Variants in MCF2L observed in about 807,000 individuals in gnomAD.
MCF2L encodes the protein MCF.2 cell line derived transforming sequence like, also known as guanine nucleotide exchange factor DBS.
MCF2L carries 97 observed loss-of-function variants against 153.4 expected under a neutral mutation model. The observed-to-expected ratio is 0.63, with a 90% CI of 0.54 to 0.75. The LOEUF (loss-of-function observed/expected upper bound fraction) is 0.75. Ranked by LOEUF, MCF2L falls within the 30% of genes least tolerant of loss-of-function variation. The pLI, the probability that MCF2L is intolerant of heterozygous loss-of-function variation, is 0.00. For missense variants in MCF2L, 1,347 were observed against 1,495.2 expected (o/e 0.90, Z 1.64); for synonymous variants, 659 against 632.2 (o/e 1.04, Z -0.64).
At chr13:112,952,035 T>G (rs1447919476) in intron 2 of MCF2L, among the ~76,000 whole-genome samples, 4 of 152,236 alleles carry the variant, frequency 2.6e-5, no homozygotes, top group African/African-American at 9.6e-5. Flanking sequence ...TTAAAATCAA[T>G]ATTTGCTTCA....
At position 113,046,103 on chromosome 13, in the gene MCF2L, C is replaced by A. The variant is rs2086795413; in HGVS notation, c.369+742C>A. The A allele has an allele frequency of 1.3e-5, 2 of 157,920 alleles. No individual in the cohort carries two copies. The highest frequency in any genetic ancestry group is 2.8e-5 in the Non-Finnish European group (2 of 71,980). The allele number at this position is 157,920 out of a possible 1,614,324, so 9.8% of individuals were successfully genotyped here. The stretch of plus-strand genomic sequence containing the variant: ...GCTGTTGGTTTTAACCCAGAGTAAT[C>A]ATTTAAGAGGGAAGAGATTAAGTCA... On this transcript the variant is annotated intron_variant, in intron 4 of 29. Coordinates refer to ENST00000535094, the MANE Select transcript of MCF2L (RefSeq NM_001112732.3). The surrounding 1 kb of genome is among the most constrained non-coding windows in gnomAD (Gnocchi z 4.4).
chr13:112,970,581 T>C (rs764002860), intron 1 of MCF2L, among the ~76,000 whole-genome samples: 95 of 152,066 alleles, frequency 6.2e-4, no homozygotes, highest in Non-Finnish European at 1.2e-4. Flanking sequence ...TTGAGTATGG[T>C]GAAGGGCTGC....
chr13:113,082,513 C>T lies in MCF2L; in HGVS notation c.1962C>T (p.Asn654=). Residue 654 remains asparagine, a synonymous_variant, in exon 17 of 30, where the codon AAC becomes AAT. Coordinates refer to ENST00000535094, the MANE Select transcript of MCF2L (RefSeq NM_001112732.3). ...LHNKKDVLFG[N]MEEIYHFHNR... ...ACAAGAAGGATGTTTTGTTTGGAAA[C>T]ATGGAGGAAATCTATCACTTCCACA... 1.9e-6 allele frequency: 3 copies of T among 1,613,766 alleles called. No individual in the cohort carries two copies. Among genetic ancestry groups the T allele is most frequent in the Non-Finnish European group, 2.5e-6 (3 of 1,179,700 alleles).
intron 2 of MCF2L, among the ~76,000 whole-genome samples, chr13:112,902,852 C>T (rs1355351153): frequency 6.6e-6 from 1 of 152,146 alleles, no homozygotes; most frequent in Non-Finnish European, 1.5e-5. Flanking sequence ...ATTGGCTGTA[C>T]CCCGAGGTGA....
chr13:112,924,490 T>G (rs1160640482), intron 2 of MCF2L, among the ~76,000 whole-genome samples: 2 of 152,192 alleles, frequency 1.3e-5, no homozygotes, highest in African/African-American at 2.4e-5. Flanking sequence ...ATGGGAGAGA[T>G]AATATTTATA....
At position 113,046,621 on chromosome 13, in the gene MCF2L, C is replaced by T. The variant is rs749158369; in HGVS notation, c.369+1260C>T. ...AGAATTAGAGGCCCCATATCTGCTC[C>T]GATGCCCACAACCTTCATCGTTTTG... is the stretch of plus-strand genomic sequence containing the variant. On this transcript the variant is annotated intron_variant, in intron 4 of 29. Transcript: ENST00000535094. The surrounding 1 kb of genome is among the most constrained non-coding windows in gnomAD (Gnocchi z 4.4). 1.3e-5 allele frequency: 7 copies of T among 533,236 alleles called. No homozygotes were observed. Among genetic ancestry groups the T allele is most frequent in the African/African-American group, 3.9e-5 (2 of 51,924 alleles). The allele number at this position is 533,236 out of a possible 1,614,324, so 33.0% of individuals were successfully genotyped here. A position where few individuals can be genotyped will look rare whatever the true frequency, so the allele number is the denominator to read the frequency against.
intron 1 of MCF2L, among the ~76,000 whole-genome samples, chr13:112,899,837 C>T (rs1269204555): frequency 6.6e-6 from 1 of 152,248 alleles, no homozygotes; most frequent in Non-Finnish European, 1.5e-5. Flanking sequence ...GCAGCCTTCA[C>T]TGGGTAAAAG....
At chr13:112,987,324 C>T (rs1478805795) in intron 1 of MCF2L, among the ~76,000 whole-genome samples, 1 of 12,524 alleles carries the variant, frequency 8.0e-5, no homozygotes, top group Non-Finnish European at 5.7e-4. Context: ...CTTGTGGACG[C>T]AGCCCAGGGC....
chr13:113,062,819 A>G (rs1355389576), intron 5 of MCF2L, among the ~76,000 whole-genome samples: 1 of 152,202 alleles, frequency 6.6e-6, no homozygotes, highest in African/African-American at 2.4e-5. Flanking sequence ...GGCAAGAGAA[A>G]TGCAGAAAAA....
At chr13:112,923,896 G>A (rs576995350) in intron 2 of MCF2L, among the ~76,000 whole-genome samples, 6 of 152,200 alleles carry the variant, frequency 3.9e-5, no homozygotes, top group Admixed American at 2.6e-4. Flanking sequence ...TCATGACACC[G>A]CCACTTTGGA....
intron 4 of MCF2L, among the ~76,000 whole-genome samples, chr13:113,056,904 G>GTGTT (rs746171958): frequency 1.6e-3 from 200 of 123,974 alleles, no homozygotes; most frequent in African/African-American, 7.6e-3. Flanking sequence ...TGGGTGCTGA[G>GTGTT]TGGGTGCTGA....
Position 113,088,629 on chromosome 13 carries a change from G to C in MCF2L, c.2834+1G>C. 6.2e-7 allele frequency: 1 copy of C among 1,606,320 alleles called. No homozygotes were observed. Among genetic ancestry groups the C allele is most frequent in the Non-Finnish European group, 8.5e-7 (1 of 1,179,736 alleles). ...CCCTGCCGGCCCCGACCAGCACCAGGTGAGAATGGACACGCTGCCGCAGGC... is the reference window on the plus strand; with the variant it reads ...CCCTGCCGGCCCCGACCAGCACCAGCTGAGAATGGACACGCTGCCGCAGGC... On this transcript the variant is annotated splice_donor_variant, in intron 25 of 29. Transcript: ENST00000535094. LOFTEE classifies it high-confidence loss of function.
chr13:113,012,660 T>TGCCCCCAC (rs2084235485), intron 1 of MCF2L, among the ~76,000 whole-genome samples: 1 of 97,562 alleles, frequency 1.0e-5, no homozygotes, highest in Non-Finnish European at 2.2e-5. Context: ...ATGCGGACGG[T>TGCCCCCAC]GGACAGGCGG....
At position 112,960,585 on chromosome 13, in the gene MCF2L, G is replaced by A. The variant is rs746299800; in HGVS notation, c.170-54178G>A. On this transcript the variant is annotated intron_variant, in intron 2 of 29. Transcript: ENST00000375608. The surrounding 1 kb of genome is among the most constrained non-coding windows in gnomAD (Gnocchi z 4.2). ...CTTTGGGGTTTCGGTGTCCAGGGCT[G>A]TGTCAGTTTCCTATTGCAGTTGACA... Among the ~76,000 whole-genome samples the A allele has an allele frequency of 2.6e-5, 4 of 152,184 alleles. No homozygotes were observed. The highest frequency in any genetic ancestry group is 4.4e-5 in the Non-Finnish European group (3 of 68,028).
At chr13:113,039,381 T>TATTTCAGAGTAAGAAAAG (rs2086343266) in intron 3 of MCF2L, among the ~76,000 whole-genome samples, 1 of 152,174 alleles carries the variant, frequency 6.6e-6, no homozygotes, top group South Asian at 2.1e-4. Context: ...GGAAAATGCC[T>TATTTCAGAGTAAGAAAAG]ATTTCAGAGT....
chr13:113,090,648 C>G (rs189805800), intron 26 of MCF2L: 1 of 985,434 alleles, frequency 1.0e-6, no homozygotes. Flanking sequence ...AAATACATGG[C>G]GGGGAAATGG....
intron 11 of MCF2L, among the ~76,000 whole-genome samples, chr13:113,075,746 G>A (rs886924760): frequency 2.2e-5 from 2 of 88,926 alleles, no homozygotes; most frequent in African/African-American, 3.9e-5. Flanking sequence ...GTCCAGCACT[G>A]TGTCCCCTTG....
intron 18 of MCF2L, 74 bp downstream of exon 18, chr13:113,084,141 A>G (rs1007315098): frequency 6.6e-6 from 8 of 1,221,308 alleles, no homozygotes; most frequent in Non-Finnish European, 9.7e-6. Flanking sequence ...ATTCTACTGC[A>G]AGTTCCTATT....
chr13:112,999,303 C>T (rs900912580), intron 1 of MCF2L, among the ~76,000 whole-genome samples: 2 of 152,120 alleles, frequency 1.3e-5, no homozygotes, highest in African/African-American at 4.8e-5. Context: ...GACAAGACAT[C>T]GGGGGCCAGG....
Sources: gnomAD v4.1 joint callset for allele counts (sites outside exome capture counted in the v4.1 genomes callset) on GRCh38, gnomAD v4.1.1 for gene constraint, Gnocchi (gnomAD v3.1) non-coding constraint, MANE v1.5 for transcripts, NCBI Gene and HGNC (gene_info 2026-07-23, HGNC 2026-07-21) for gene names.